Variants in PIP5K1C observed in about 807,000 individuals in gnomAD.
PIP5K1C encodes the protein phosphatidylinositol 4-phosphate 5-kinase type-1 gamma.
PIP5K1C carries 45 observed loss-of-function variants against 80.1 expected under a neutral mutation model. The observed-to-expected ratio is 0.56, with a 90% CI of 0.44 to 0.72. The LOEUF (loss-of-function observed/expected upper bound fraction) is 0.72. Ranked by LOEUF, PIP5K1C falls within the 30% of genes least tolerant of loss-of-function variation. PIP5K1C has a pLI of 0.00. For synonymous variants in PIP5K1C, 498 were observed against 420.1 expected (o/e 1.19, Z -2.27); for missense variants, 753 against 954.6 (o/e 0.79, Z 2.78).
chr19:3,651,767 G>C (rs2034459328), intron 8 of PIP5K1C, 59 bp downstream of exon 8: 1 of 1,512,520 alleles, frequency 6.6e-7, no homozygotes, highest in African/African-American at 1.4e-5. Context: ...CGGGGATGGG[G>C]AACTGGAGCC....
chr19:3,675,738 C>T (rs947099165), intron 1 of PIP5K1C, among the ~76,000 whole-genome samples: 1 of 152,326 alleles, frequency 6.6e-6, no homozygotes, highest in Middle Eastern at 3.4e-3. Flanking sequence ...TCTCCCCCCT[C>T]AGCACTTAGG....
chr19:3,651,655 C>T (rs1440063708), intron 8 of PIP5K1C, among the ~76,000 whole-genome samples, 171 bp downstream of exon 8: 1 of 152,258 alleles, frequency 6.6e-6, no homozygotes, highest in African/African-American at 2.4e-5. Context: ...GCCCGCACTA[C>T]GGCCTGGCTT....
At chr19:3,680,903 T>C (rs2035570478) in intron 1 of PIP5K1C, among the ~76,000 whole-genome samples, 1 of 152,110 alleles carries the variant, frequency 6.6e-6, no homozygotes, top group Non-Finnish European at 1.5e-5. Flanking sequence ...TTTGTGATTG[T>C]CATGACTAAG....
intron 5 of PIP5K1C, among the ~76,000 whole-genome samples, chr19:3,658,744 G>C (rs547372231): frequency 6.6e-6 from 1 of 152,334 alleles, no homozygotes; most frequent in South Asian, 2.1e-4. Flanking sequence ...AAACACTGTG[G>C]AAAGGGCACG....
intron 16 of PIP5K1C, among the ~76,000 whole-genome samples, chr19:3,634,819 A>G (rs138836010): frequency 6.6e-6 from 1 of 152,154 alleles, no homozygotes; most frequent in African/African-American, 2.4e-5. Context: ...CAGCTTCCAC[A>G]AGACCCCTGT....
chr19:3,689,020 C>T (rs530007146), intron 1 of PIP5K1C, among the ~76,000 whole-genome samples: 37 of 152,184 alleles, frequency 2.4e-4, no homozygotes, highest in Non-Finnish European at 5.0e-4. Context: ...ATCAACAACA[C>T]GGGTGTCTTT....
At chr19:3,659,827 C>T (rs991955255) in intron 5 of PIP5K1C, among the ~76,000 whole-genome samples, 5 of 152,160 alleles carry the variant, frequency 3.3e-5, no homozygotes, top group Admixed American at 6.5e-5. Flanking sequence ...ACCAAACGCA[C>T]GCACAGTCAG....
At position 3,635,929 on chromosome 19, in the gene PIP5K1C, G is replaced by A. The variant is rs541063845; in HGVS notation, c.1921-2409C>T. ...CGGGAGGCGGAACTTGCAGCGAGCC[G>A]AGATTGTGCCACTGCACTCCAGCCT... On this transcript the variant is annotated intron_variant, in intron 16 of 17. Transcript: ENST00000335312. Among the ~76,000 whole-genome samples the A allele has an allele frequency of 2.0e-3, 309 of 152,290 alleles. 1 individual carries two copies. Among genetic ancestry groups the A allele is most frequent in the African/African-American group, 7.2e-3 (301 of 41,564 alleles).
intron 16 of PIP5K1C, chr19:3,636,391 C>T (rs1186226223): frequency 1.0e-6 from 1 of 985,444 alleles, no homozygotes; most frequent in Non-Finnish European, 1.2e-6. Flanking sequence ...TTCTGGCCCC[C>T]ACACTTCCGC....
intron 1 of PIP5K1C, among the ~76,000 whole-genome samples, chr19:3,698,933 C>T (rs1219248656): frequency 2.1e-5 from 3 of 145,298 alleles, no homozygotes; most frequent in African/African-American, 7.6e-5. Context: ...CTCCCCGGCC[C>T]CCCACCCCCA....
intron 4 of PIP5K1C, 29 bp downstream of exon 4, chr19:3,661,842 A>G (rs767305524): frequency 1.2e-6 from 2 of 1,608,700 alleles, no homozygotes; most frequent in Non-Finnish European, 1.7e-6. Flanking sequence ...GTGCTGGGTG[A>G]GCCCTGAGGC....
rs755952972 is a variant in PIP5K1C at position 3,641,806 on chromosome 19, C to T, written c.1686G>A (p.Pro562=). The change falls in exon 15 of 18, where the codon CCG becomes CCA. Residue 562 remains proline (P), a synonymous_variant. Coordinates refer to ENST00000335312, the MANE Select transcript of PIP5K1C (RefSeq NM_012398.3). The stretch of plus-strand genomic sequence containing the variant: ...CCTCTTCCGCGGGTGGCTCCTCCTG[C>T]GGCCTGCAGGCAATGGGAGGTTGTG... The part of the protein sequence containing the change: ...RTQSSGQDGR[P]QEEPPAEEDL... 10 of 1,610,774 alleles carry T rather than the reference C, an allele frequency of 6.2e-6. No homozygotes were observed. The East Asian group carries it at 6.7e-5, about 11-fold the overall frequency.
At chr19:3,650,507 G>T (rs927928261) in intron 8 of PIP5K1C, among the ~76,000 whole-genome samples, 1 of 152,236 alleles carries the variant, frequency 6.6e-6, no homozygotes, top group Non-Finnish European at 1.5e-5. Flanking sequence ...CTCCTGGCCC[G>T]GAGTGGGTGG....
At chr19:3,643,856 G>A (rs2034090976) in intron 12 of PIP5K1C, among the ~76,000 whole-genome samples, 1 of 152,212 alleles carries the variant, frequency 6.6e-6, no homozygotes, top group Admixed American at 6.5e-5. Flanking sequence ...GGCCGTGAGA[G>A]AAGGCGGGAG....
chr19:3,695,425 G>T (rs1341845969), intron 1 of PIP5K1C, among the ~76,000 whole-genome samples: 1 of 152,188 alleles, frequency 6.6e-6, no homozygotes, highest in Non-Finnish European at 1.5e-5. Flanking sequence ...CCTTCTAAGG[G>T]CTTTACCCCA....
chr19:3,682,949 CTCCCCTCCTGTCCT>C (rs2035632492), intron 1 of PIP5K1C, among the ~76,000 whole-genome samples: 1 of 147,850 alleles, frequency 6.8e-6, no homozygotes, highest in Non-Finnish European at 1.5e-5. Flanking sequence ...TCCCCCTCCC[CTCCCCTCCTGTCCT>C]TCCCCTCCCT....
intron 1 of PIP5K1C, among the ~76,000 whole-genome samples, chr19:3,685,729 C>CA (rs754344914): frequency 2.9e-3 from 329 of 113,210 alleles, no homozygotes; most frequent in Middle Eastern, 4.7e-3. Flanking sequence ...GACTCCGTCT[C>CA]AAAAAAAAAA....
Position 3,632,758 on chromosome 19 carries a change from G to A in PIP5K1C, c.*409C>T, listed in dbSNP as rs1020920893. The A allele has an allele frequency of 1.8e-4, 33 of 184,018 alleles. No homozygotes were observed. The highest frequency in any genetic ancestry group is 1.1e-5 in the Non-Finnish European group (1 of 89,682). The allele number at this position is 184,018 out of a possible 1,614,324, so 11.4% of individuals were successfully genotyped here. ...GGCTCAGGTCCCCAGAGGCCACCGC[G>A]AACAGCCTGGCTTCTTCCTCAGGAC... On this transcript the variant is annotated 3_prime_UTR_variant, in exon 18 of 18. Transcript: ENST00000335312.
intron 1 of PIP5K1C, among the ~76,000 whole-genome samples, chr19:3,670,859 G>A (rs1173207999): frequency 2.0e-5 from 3 of 152,142 alleles, no homozygotes; most frequent in African/African-American, 2.4e-5. Flanking sequence ...TCAGGATTCC[G>A]GCTGCCACGG....
Sources: gnomAD v4.1 joint callset for allele counts (sites outside exome capture counted in the v4.1 genomes callset) on GRCh38, gnomAD v4.1.1 for gene constraint, MANE v1.5 for transcripts, NCBI Gene and HGNC (gene_info 2026-07-23, HGNC 2026-07-21) for gene names.